Variants in TGM3 observed in about 807,000 individuals in gnomAD.
TGM3 encodes the protein protein-glutamine gamma-glutamyltransferase E.
In TGM3, 52 loss-of-function variants were observed where a neutral mutation model predicts 73.8. The observed-to-expected ratio is 0.70, with a 90% CI of 0.56 to 0.89. The LOEUF (loss-of-function observed/expected upper bound fraction) is 0.89. Among genes scored for constraint, TGM3 ranks in the 40% least tolerant of loss-of-function variants. TGM3 has a pLI of 0.00. For synonymous variants in TGM3, 372 were observed against 354.9 expected, an observed-to-expected ratio of 1.05 and a Z score of -0.54; for missense variants, 928 against 909.9, an observed-to-expected ratio of 1.02 and a Z score of -0.26.
intron 7 of TGM3, among the ~76,000 whole-genome samples, chr20:2,318,822 A>C (rs774225782): frequency 6.6e-6 from 1 of 152,214 alleles, no homozygotes; most frequent in Non-Finnish European, 1.5e-5. Flanking sequence ...AATGTAACTA[A>C]GGGTATAAAA....
rs1297023507 is a variant in TGM3, at chr20:2,317,133, G to A, written c.735G>A (p.Arg245=). ...GNWSGTYTGG[R]DPRSWNGSVE... ...GGAGCGGCACTTACACCGGTGGCCG[G>A]GACCCAAGGAGCTGGAACGGCAGCG... is the stretch of plus-strand genomic sequence containing the variant. Residue 245 remains arginine, a synonymous_variant, in exon 6 of 13, where the codon CGG becomes CGA. Transcript: ENST00000381458. 2 of 1,613,994 alleles carry A rather than the reference G, an allele frequency of 1.2e-6. No homozygotes were observed. Among genetic ancestry groups the A allele is most frequent in the East Asian group, 4.5e-5 (2 of 44,876 alleles).
In TGM3 at chr20:2,328,076, T is replaced by C. The variant is rs756517407; in HGVS notation, c.1088-44T>C. On this transcript the variant is annotated intron_variant, in intron 8 of 12. Coordinates refer to ENST00000381458, the MANE Select transcript of TGM3 (RefSeq NM_003245.4). The surrounding 1 kb of genome is among the most constrained non-coding windows in gnomAD (Gnocchi z 5.2). ...CCTGGGGAATCGGGCACTGGGTAGGTTGTGGCCTTGGCATATATCCAGCCT... is the reference window on the plus strand; with the variant it reads ...CCTGGGGAATCGGGCACTGGGTAGGCTGTGGCCTTGGCATATATCCAGCCT... The C allele has an allele frequency of 1.9e-5, 30 of 1,612,310 alleles. No homozygotes were observed. The highest frequency in any genetic ancestry group is 3.3e-5 in the Admixed American group (2 of 59,960).
At chr20:2,340,220 T>C (rs2122263374) in intron 12 of TGM3, among the ~76,000 whole-genome samples, 1 of 152,256 alleles carries the variant, frequency 6.6e-6, no homozygotes, top group East Asian at 1.9e-4. Context: ...GCTTAGAATA[T>C]TTGGGAGATC....
At chr20:2,311,932 G>A (rs1378231789) in intron 4 of TGM3, among the ~76,000 whole-genome samples, 1 of 152,130 alleles carries the variant, frequency 6.6e-6, no homozygotes, top group African/African-American at 2.4e-5. Context: ...AGAGCATCAG[G>A]CAGAAGGAAA....
At chr20:2,296,445 G>T (rs2084108184) in intron 1 of TGM3, among the ~76,000 whole-genome samples, 1 of 152,172 alleles carries the variant, frequency 6.6e-6, no homozygotes, top group African/African-American at 2.4e-5. Context: ...GTTTCTCAGT[G>T]TAGCTGTATC....
intron 1 of TGM3, among the ~76,000 whole-genome samples, chr20:2,298,897 T>C (rs1479580781): frequency 1.3e-5 from 2 of 152,174 alleles, no homozygotes; most frequent in African/African-American, 2.4e-5. Context: ...GAGGACCAGC[T>C]GCCTCCTGTC....
intron 9 of TGM3, 53 bp from the exon 10 acceptor site, chr20:2,331,949 G>T: frequency 1.3e-6 from 2 of 1,556,992 alleles, no homozygotes; most frequent in Non-Finnish European, 1.7e-6. Flanking sequence ...ACTGTCCTTT[G>T]CCCAGGTTGC....
chr20:2,328,492 T>C lies in TGM3; in HGVS notation c.1333+127T>C. On this transcript the variant is annotated intron_variant, in intron 9 of 12. Transcript: ENST00000381458. This position sits in a 1 kb window ranked among gnomAD's most constrained non-coding sequence, Gnocchi z 5.2. The stretch of plus-strand genomic sequence containing the variant: ...AGCCAGTTCTGCCTGAATGATAGGA[T>C]TGCTCCCTAGCACCTAACATCCACC... 7.5e-7 allele frequency: 1 copy of C among 1,327,578 alleles called. No homozygotes were observed. The highest frequency in any genetic ancestry group is 2.5e-5 in the East Asian group (1 of 40,144). The allele number at this position is 1,327,578 out of a possible 1,614,324, so 82.2% of individuals were successfully genotyped here. A position where few individuals can be genotyped will look rare whatever the true frequency, so the allele number is the denominator to read the frequency against.
intron 1 of TGM3, among the ~76,000 whole-genome samples, chr20:2,303,170 G>A (rs1372464290): frequency 1.3e-5 from 2 of 152,030 alleles, no homozygotes; most frequent in African/African-American, 4.8e-5. Flanking sequence ...GCGTGGTGGT[G>A]CATGCCTGTA....
At chr20:2,313,686 C>T (rs1211227196) in intron 5 of TGM3, among the ~76,000 whole-genome samples, 1 of 152,134 alleles carries the variant, frequency 6.6e-6, no homozygotes, top group Non-Finnish European at 1.5e-5. Flanking sequence ...CACACACGAG[C>T]TAGATCCCCT....
intron 12 of TGM3, among the ~76,000 whole-genome samples, chr20:2,340,208 G>T (rs913516920): frequency 2.0e-5 from 3 of 152,178 alleles, no homozygotes; most frequent in Admixed American, 2.0e-4. Context: ...CTGGCCTTCA[G>T]GGCTTAGAAT....
Position 2,325,906 on chromosome 20 carries a change from C to T in TGM3, c.1041C>T (p.Tyr347=), listed in dbSNP as rs148025061. 173 of 1,593,482 alleles carry T rather than the reference C, an allele frequency of 1.1e-4. 3 individuals carry two copies. In the South Asian group the frequency reaches 1.4e-3, roughly 13 times the overall value. The change falls in exon 8 of 13, where the codon TAC becomes TAT. Residue 347 remains tyrosine, a synonymous_variant. Coordinates refer to ENST00000381458, the MANE Select transcript of TGM3 (RefSeq NM_003245.4). ...WFVRSDLGPS[Y]GGWQVLDATP... ...TGAGGTCTGACCTGGGCCCCTCGTA[C>T]GGTGGATGGCAGGTGTTGGATGCTA... is the stretch of plus-strand genomic sequence containing the variant.
At chr20:2,315,401 G>A (rs1343306717) in intron 5 of TGM3, among the ~76,000 whole-genome samples, 8 of 152,176 alleles carry the variant, frequency 5.3e-5, no homozygotes, top group South Asian at 2.1e-4. Context: ...GAAGGGCTGC[G>A]CAACCTTCCA....
chr20:2,301,794 C>T (rs995210239), intron 1 of TGM3, among the ~76,000 whole-genome samples: 3 of 151,994 alleles, frequency 2.0e-5, no homozygotes, highest in Non-Finnish European at 2.9e-5. Context: ...TCCACCTCCC[C>T]AGTTCAAGCC....
intron 8 of TGM3, among the ~76,000 whole-genome samples, chr20:2,327,496 CA>C (rs1479092178): frequency 6.6e-6 from 1 of 151,968 alleles, no homozygotes; most frequent in African/African-American, 2.4e-5. Flanking sequence ...AACAAACAAA[CA>C]AAAAAGATAT....
intron 1 of TGM3, among the ~76,000 whole-genome samples, chr20:2,302,423 A>AC (rs143749330): frequency 5.3e-5 from 8 of 151,908 alleles, no homozygotes; most frequent in Non-Finnish European, 8.8e-5. Context: ...TTAACAGTGA[A>AC]CCCCCCCAAA....
intron 1 of TGM3, among the ~76,000 whole-genome samples, chr20:2,301,835 G>A (rs535652431): frequency 2.6e-5 from 4 of 152,206 alleles, no homozygotes; most frequent in Admixed American, 2.6e-4. Flanking sequence ...CAAGTAGCTG[G>A]AACTACAGGC....
chr20:2,317,204 G>T lies in TGM3; in HGVS notation c.806G>T (p.Arg269Leu), dbSNP rs150052126. The change falls in exon 6 of 13, where the codon CGA becomes CTA. Residue 269 changes from arginine to leucine, a missense_variant. Coordinates refer to ENST00000381458, the MANE Select transcript of TGM3 (RefSeq NM_003245.4). ...NWKKSGFSPV[R>L]YGQCWVFAGT... ...AAAAAATCTGGCTTCAGCCCAGTCC[G>T]ATATGGCCAGTGCTGGGTCTTTGCT... 4 of 1,614,166 alleles carry T rather than the reference G, an allele frequency of 2.5e-6. No individual in the cohort carries two copies. The East Asian group carries it at 8.9e-5, about 36-fold the overall frequency.
intron 7 of TGM3, among the ~76,000 whole-genome samples, chr20:2,319,679 C>T (rs912498944): frequency 6.6e-6 from 1 of 152,144 alleles, no homozygotes; most frequent in African/African-American, 2.4e-5. Flanking sequence ...CTGACTGTTC[C>T]TGAGGATCTT....
Sources: gnomAD v4.1 joint callset for allele counts (sites outside exome capture counted in the v4.1 genomes callset) on GRCh38, gnomAD v4.1.1 for gene constraint, Gnocchi (gnomAD v3.1) non-coding constraint, MANE v1.5 for transcripts, NCBI Gene and HGNC (gene_info 2026-07-23, HGNC 2026-07-21) for gene names.